FAT3: variants seen among roughly 807,000 people sequenced by gnomAD.
The protein encoded by FAT3 is protocadherin Fat 3.
A neutral mutation model predicts 310.2 loss-of-function variants in FAT3; 95 were observed. The ratio of observed to expected loss-of-function variants is 0.31; its 90% CI spans 0.26 to 0.36. The LOEUF (loss-of-function observed/expected upper bound fraction) is 0.36. Ranked by LOEUF, FAT3 falls within the 10% of genes least tolerant of loss-of-function variation. The pLI is 1.00. For missense variants in FAT3, 5,408 were observed against 5,715.6 expected, an observed-to-expected ratio of 0.95 and a Z score of 1.74; for synonymous variants, 2,314 against 2,192.9, an observed-to-expected ratio of 1.06 and a Z score of -1.54.
At chr11:92,649,626 T>C (rs1434015598) in intron 3 of FAT3, among the ~76,000 whole-genome samples, 1 of 152,086 alleles carries the variant, frequency 6.6e-6, no homozygotes, top group Non-Finnish European at 1.5e-5. Context: ...CTCAGCGCTT[T>C]GTTAGCCAGA....
intron 7 of FAT3, among the ~76,000 whole-genome samples, chr11:92,785,649 C>G (rs2136145124): frequency 6.6e-6 from 1 of 152,080 alleles, no homozygotes; most frequent in South Asian, 2.1e-4. Context: ...AAAAAGTGTT[C>G]AAAACCTATT....
chr11:92,585,453 C>T (rs1398681959), intron 3 of FAT3, among the ~76,000 whole-genome samples: 1 of 151,988 alleles, frequency 6.6e-6, no homozygotes, highest in Non-Finnish European at 1.5e-5. Context: ...AAATAGTTGT[C>T]TCATCAGAGA....
chr11:92,238,140 G>A (rs989255594), intron 1 of FAT3, among the ~76,000 whole-genome samples: 7 of 152,148 alleles, frequency 4.6e-5, no homozygotes, highest in South Asian at 2.1e-4. Flanking sequence ...CCCATACTGG[G>A]AAAGGAGGAG....
At chr11:92,449,569 A>G (rs923459813) in intron 2 of FAT3, among the ~76,000 whole-genome samples, 3 of 152,160 alleles carry the variant, frequency 2.0e-5, no homozygotes, top group African/African-American at 7.2e-5. Flanking sequence ...CCAGGAGTGC[A>G]TTTAGGGAAC....
intron 3 of FAT3, among the ~76,000 whole-genome samples, chr11:92,654,878 A>G (rs1482737958): frequency 6.6e-6 from 1 of 152,224 alleles, no homozygotes; most frequent in Non-Finnish European, 1.5e-5. Flanking sequence ...ATAAGATTCA[A>G]GTTCCATAAT....
rs138533540 is a variant in FAT3, at chr11:92,660,772, C to T, written c.3608-36612C>T. On this transcript the variant is annotated intron_variant, in intron 3 of 27. Transcript: ENST00000525166. The stretch of plus-strand genomic sequence containing the variant: ...TTATGGCTTTGAGACAAAGGTAAAC[C>T]ACAGAGTCAGCCATTACTGACTTCA... 7.5e-3 allele frequency among the ~76,000 whole-genome samples: 1,146 copies of T among 152,264 alleles called. 23 individuals are homozygous for T. Among genetic ancestry groups the T allele is most frequent in the African/African-American group, 0.026 (1,096 of 41,556 alleles).
chr11:92,295,292 C>A (rs578034791), intron 1 of FAT3, among the ~76,000 whole-genome samples: 7 of 152,184 alleles, frequency 4.6e-5, no homozygotes, highest in East Asian at 3.9e-4. Flanking sequence ...GTTCACAGAG[C>A]CTGCCAAGAG....
At chr11:92,320,662 G>C (rs1947590594) in intron 1 of FAT3, among the ~76,000 whole-genome samples, 1 of 151,962 alleles carries the variant, frequency 6.6e-6, no homozygotes, top group Non-Finnish European at 1.5e-5. Context: ...GAGGTCAGGA[G>C]TTTGAGACCA....
At chr11:92,604,249 A>G (rs933191924) in intron 3 of FAT3, among the ~76,000 whole-genome samples, 1 of 152,206 alleles carries the variant, frequency 6.6e-6, no homozygotes, top group Non-Finnish European at 1.5e-5. Context: ...AAAGGTAGAT[A>G]CTAATATATA....
chr11:92,710,167 CACAAAG>C (rs1944478912), intron 4 of FAT3, among the ~76,000 whole-genome samples: 1 of 152,166 alleles, frequency 6.6e-6, no homozygotes. Context: ...TAAGAAGCTT[CACAAAG>C]ACAAAGCACT....
intron 3 of FAT3, among the ~76,000 whole-genome samples, chr11:92,589,669 T>C (rs1457492230): frequency 2.0e-5 from 3 of 151,940 alleles, no homozygotes; most frequent in African/African-American, 7.2e-5. Flanking sequence ...CGGTGGTGTT[T>C]CTCTCTCGCT....
At chr11:92,585,248 A>ATC (rs1434352474) in intron 3 of FAT3, among the ~76,000 whole-genome samples, 1 of 152,066 alleles carries the variant, frequency 6.6e-6, no homozygotes, top group Non-Finnish European at 1.5e-5. Context: ...TGTTTCAAAT[A>ATC]TTGGTGACTA....
intron 2 of FAT3, among the ~76,000 whole-genome samples, chr11:92,420,073 G>A (rs1425616138): frequency 1.3e-5 from 2 of 152,158 alleles, no homozygotes; most frequent in African/African-American, 2.4e-5. Flanking sequence ...AAAGCCTGCC[G>A]GCTGGCTGCC....
chr11:92,295,969 G>A (rs578003276), intron 1 of FAT3, among the ~76,000 whole-genome samples: 1 of 152,188 alleles, frequency 6.6e-6, no homozygotes, highest in East Asian at 1.9e-4. Context: ...CCAGGTTTTG[G>A]TCACTTGGAT....
rs1949264151 is a variant in FAT3, at chr11:92,866,973, C to G, written c.11891C>G (p.Ala3964Gly). 1 of 1,612,470 alleles carries G rather than the reference C, an allele frequency of 6.2e-7. No individual in the cohort carries two copies. The highest frequency in any genetic ancestry group is 1.1e-5 in the South Asian group (1 of 90,730). ...ATCTACTTCGGCGCCCTGGTGCAAG[C>G]GGATAACATCCGCAGCCTGACTGAC... ...SSIYFGALVQ[A>G]DNIRSLTDTR... The change falls in exon 22 of 28, where the codon GCG (alanine) becomes GGG (glycine). Residue 3964 changes from alanine (A) to glycine (G), a missense_variant. By Grantham distance (60) the Ala-to-Gly change is moderately conservative (BLOSUM62 0). Around this residue, in one of 5 missense-constraint regions of FAT3, gnomAD observed 4,588 missense variants for 4,809.8 expected, o/e 0.95. Transcript: ENST00000525166.
intron 2 of FAT3, among the ~76,000 whole-genome samples, chr11:92,387,201 C>G (rs538529841): frequency 6.6e-6 from 1 of 151,838 alleles, no homozygotes; most frequent in South Asian, 2.1e-4. Flanking sequence ...TATTCTAAAC[C>G]AGGAACACAA....
chr11:92,815,701 A>C (rs969756696), intron 13 of FAT3, among the ~76,000 whole-genome samples: 3 of 152,228 alleles, frequency 2.0e-5, no homozygotes, highest in Admixed American at 6.5e-5. Flanking sequence ...TCAAAATTTC[A>C]AACATGGGCA....
chr11:92,668,681 G>A (rs1360358436), intron 3 of FAT3, among the ~76,000 whole-genome samples: 1 of 152,196 alleles, frequency 6.6e-6, no homozygotes, highest in Non-Finnish European at 1.5e-5. Context: ...TAGAATAAAT[G>A]TATGTCAAAT....
At chr11:92,442,109 A>ATTTTTTTTTTTTTTTTTTTTT (rs1258493776) in intron 2 of FAT3, among the ~76,000 whole-genome samples, 1 of 50,088 alleles carries the variant, frequency 2.0e-5, no homozygotes, top group Non-Finnish European at 2.9e-5. Flanking sequence ...ATATATATAT[A>ATTTTTTTTTTTTTTTTTTTTT]TATTTTTTTT....
Sources: allele counts gnomAD v4.1 joint callset (sites outside exome capture counted in the v4.1 genomes callset), GRCh38; gene constraint gnomAD v4.1.1; regional missense constraint gnomAD v4.1.1; transcripts MANE v1.5; gene names NCBI Gene and HGNC (gene_info 2026-07-23, HGNC 2026-07-21).